Variants in NINL observed in about 807,000 individuals in gnomAD.
The protein encoded by NINL is ninein like.
Under a neutral mutation model 160.3 loss-of-function variants are expected in NINL, and 153 were observed. That is an observed-to-expected ratio of 0.95 (90% confidence interval 0.84 to 1.09). The LOEUF (loss-of-function observed/expected upper bound fraction) is 1.09. Ranked by LOEUF, NINL falls within the 50% of genes least tolerant of loss-of-function variation. The pLI, the probability that NINL is intolerant of heterozygous loss-of-function variation, is 0.00. For synonymous variants in NINL, 800 were observed against 734.8 expected (o/e 1.09, Z -1.43); for missense variants, 1,829 against 1,764.0 (o/e 1.04, Z -0.66).
intron 1 of NINL, among the ~76,000 whole-genome samples, chr20:25,553,203 C>G (rs953953794): frequency 1.4e-5 from 2 of 147,424 alleles, no homozygotes; most frequent in Admixed American, 1.4e-4. Flanking sequence ...TTCCTGGGCT[C>G]GTGATCCTCC....
chr20:25,526,923 TG>T (rs1463873013), intron 1 of NINL, among the ~76,000 whole-genome samples: 1 of 152,116 alleles, frequency 6.6e-6, no homozygotes, highest in Non-Finnish European at 1.5e-5. Flanking sequence ...CCCAACACTT[TG>T]GGAGAAAAAG....
intron 11 of NINL, among the ~76,000 whole-genome samples, chr20:25,490,404 C>CAACA (rs1333658117): frequency 4.2e-4 from 63 of 151,766 alleles, no homozygotes; most frequent in African/African-American, 1.5e-3. Flanking sequence ...ACTAAAAATA[C>CAACA]AAAAAATTAG....
chr20:25,478,120 TTG>T (rs1161632993), intron 16 of NINL, among the ~76,000 whole-genome samples: 1 of 151,922 alleles, frequency 6.6e-6, no homozygotes, highest in Non-Finnish European at 1.5e-5. Context: ...AGCTAATTTT[TTG>T]TGTTTTTAGT....
chr20:25,489,830 G>C, intron 12 of NINL, 45 bp downstream of exon 12: 3 of 1,531,706 alleles, frequency 2.0e-6, no homozygotes, highest in Non-Finnish European at 2.7e-6. Flanking sequence ...ACTCTGCCCA[G>C]CAGGCCCTCC....
intron 1 of NINL, among the ~76,000 whole-genome samples, chr20:25,584,945 ACCGTCCCAAGCGC>A (rs1186605917): frequency 6.6e-6 from 1 of 152,214 alleles, no homozygotes; most frequent in Non-Finnish European, 1.5e-5. Flanking sequence ...CTTTCAATCA[ACCGTCCCAAGCGC>A]CACGAACGCG....
intron 1 of NINL, among the ~76,000 whole-genome samples, chr20:25,536,172 C>G (rs2064552599): frequency 6.6e-6 from 1 of 152,138 alleles, no homozygotes; most frequent in Non-Finnish European, 1.5e-5. Context: ...GACTATATAA[C>G]CCACGCTGAA....
At chr20:25,561,561 C>T (rs547196684) in intron 1 of NINL, among the ~76,000 whole-genome samples, 7 of 151,688 alleles carry the variant, frequency 4.6e-5, no homozygotes, top group South Asian at 2.1e-4. Flanking sequence ...CGTCTCTGCC[C>T]GGCCGCCATC....
chr20:25,547,683 T>G (rs958375950), intron 1 of NINL, among the ~76,000 whole-genome samples: 1 of 152,358 alleles, frequency 6.6e-6, no homozygotes, highest in African/African-American at 2.4e-5. Context: ...TTTTCCATTT[T>G]ACTTTTCACT....
chr20:25,498,078 C>CAG, intron 9 of NINL, 132 bp downstream of exon 9: 1 of 1,111,790 alleles, frequency 9.0e-7, no homozygotes, highest in Admixed American at 2.0e-5. Context: ...AGACAGTGTG[C>CAG]AGAGCCCTGC....
At chr20:25,465,069 C>T (rs952697538) in intron 19 of NINL, among the ~76,000 whole-genome samples, 5 of 152,234 alleles carry the variant, frequency 3.3e-5, no homozygotes, top group East Asian at 1.9e-4. Context: ...TGTGTTAAAA[C>T]AAATGACATC....
intron 1 of NINL, among the ~76,000 whole-genome samples, chr20:25,546,789 G>A (rs1291167811): frequency 6.6e-6 from 1 of 151,762 alleles, no homozygotes. Context: ...AGGACTTTTC[G>A]CTTGTCAGAC....
Position 25,476,481 on chromosome 20 carries a change from C to G in NINL, c.2810G>C (p.Gly937Ala). The G allele has an allele frequency of 1.9e-6, 3 of 1,605,720 alleles. No individual in the cohort carries two copies. The highest frequency in any genetic ancestry group is 1.7e-6 in the Non-Finnish European group (2 of 1,179,860). Reference protein sequence around the residue: ...GASAAGLEQPGARELPLLGTE... With the variant: ...GASAAGLEQPAARELPLLGTE... ...TCCCAGCAGAGGCAGCTCCCGGGCT[C>G]CAGGCTGCTCCAGCCCCGCTGCGCT... Residue 937 changes from glycine (G) to alanine (A), a missense_variant, in exon 17 of 24, where the codon GGA (glycine) becomes GCA (alanine). Coordinates refer to ENST00000278886, the MANE Select transcript of NINL (RefSeq NM_025176.6).
At chr20:25,574,769 G>C (rs2065095718) in intron 1 of NINL, among the ~76,000 whole-genome samples, 1 of 152,194 alleles carries the variant, frequency 6.6e-6, no homozygotes, top group Non-Finnish European at 1.5e-5. Context: ...ACATGGTATG[G>C]GGGTGGAATC....
At chr20:25,462,570 G>T in intron 19 of NINL, 29 bp from the exon 20 acceptor site, 1 of 1,566,456 alleles carries the variant, frequency 6.4e-7, no homozygotes. Context: ...AAATACATAA[G>T]AAAAAAATGT....
At position 25,453,419 on chromosome 20, in the gene NINL, C is replaced by T; in HGVS notation, c.*32G>A. The T allele has an allele frequency of 6.4e-7, 1 of 1,555,570 alleles. No homozygotes were observed. Among genetic ancestry groups the T allele is most frequent in the South Asian group, 1.2e-5 (1 of 82,130 alleles). On this transcript the variant is annotated 3_prime_UTR_variant, in exon 24 of 24. Coordinates refer to ENST00000278886, the MANE Select transcript of NINL (RefSeq NM_025176.6). ...ACAGTGGCTTAATTTAAAAGATGTG[C>T]TTTCGAATGAATCCTAGAAAATAAT...
chr20:25,510,595 C>T (rs1310165732), intron 5 of NINL, 79 bp downstream of exon 5: 2 of 1,256,212 alleles, frequency 1.6e-6, no homozygotes, highest in Non-Finnish European at 2.3e-6. Flanking sequence ...TGGTTGCACA[C>T]TGCCCAATGA....
chr20:25,539,962 G>C, intron 1 of NINL: 2 of 1,171,804 alleles, frequency 1.7e-6, no homozygotes, highest in Non-Finnish European at 2.3e-6. Context: ...CCAGGCCTGC[G>C]CAGGCGCCTC....
At chr20:25,454,786 G>C (rs1480044823) in intron 23 of NINL, among the ~76,000 whole-genome samples, 4 of 152,176 alleles carry the variant, frequency 2.6e-5, no homozygotes, top group Admixed American at 6.5e-5. Context: ...GTTCCCACCT[G>C]CTGAGTTGGA....
intron 19 of NINL, among the ~76,000 whole-genome samples, chr20:25,466,730 G>A (rs1043571521): frequency 1.4e-4 from 21 of 152,120 alleles, no homozygotes; most frequent in African/African-American, 4.8e-4. Flanking sequence ...AACCTGGGAG[G>A]TGGAGGTTGC....
Sources: gnomAD v4.1 joint callset for allele counts (sites outside exome capture counted in the v4.1 genomes callset) on GRCh38, gnomAD v4.1.1 for gene constraint, MANE v1.5 for transcripts, NCBI Gene and HGNC (gene_info 2026-07-23, HGNC 2026-07-21) for gene names.